Variants in NPHP4 observed in about 807,000 individuals in gnomAD.
The protein encoded by NPHP4 is nephrocystin 4, also known as nephrocystin-4.
NPHP4 carries 151 observed loss-of-function variants against 155.8 expected under a neutral mutation model. The ratio of observed to expected loss-of-function variants is 0.97; its 90% CI spans 0.85 to 1.11. The LOEUF is 1.11. Ranked by LOEUF, NPHP4 falls within the 50% of genes least tolerant of loss-of-function variation. The pLI is 0.00. For missense variants in NPHP4, 1,956 were observed against 1,925.7 expected (o/e 1.02, Z -0.29); for synonymous variants, 845 against 816.8 (o/e 1.03, Z -0.59).
chr1:5,965,437 C>T (rs571197035), intron 5 of NPHP4, among the ~76,000 whole-genome samples: 40 of 152,234 alleles, frequency 2.6e-4, no homozygotes, highest in African/African-American at 9.4e-4. Flanking sequence ...CTACTTTGTT[C>T]TCAGGATACT....
At chr1:5,891,723 A>G (rs956982773) in intron 16 of NPHP4, among the ~76,000 whole-genome samples, 1 of 152,256 alleles carries the variant, frequency 6.6e-6, no homozygotes, top group Non-Finnish European at 1.5e-5. Flanking sequence ...TCTATCAATA[A>G]TGGTGACAAC....
intron 16 of NPHP4, among the ~76,000 whole-genome samples, chr1:5,894,099 A>G (rs911683380): frequency 1.3e-5 from 2 of 152,246 alleles, no homozygotes; most frequent in African/African-American, 2.4e-5. Context: ...TTCTTGTTTT[A>G]TATTTTATTA....
intron 1 of NPHP4, among the ~76,000 whole-genome samples, chr1:5,986,903 C>T (rs552653756): frequency 2.0e-5 from 3 of 152,004 alleles, no homozygotes; most frequent in Non-Finnish European, 4.4e-5. Flanking sequence ...AAATACAGTC[C>T]TAGCGTTAAG....
At chr1:5,975,453 C>T (rs4908638) in intron 3 of NPHP4, among the ~76,000 whole-genome samples, 100,513 of 152,058 alleles carry the variant, frequency 0.66, 33,165 homozygotes, top group East Asian at 0.76. Flanking sequence ...GTGCCCTGGC[C>T]ACACCACACT....
intron 11 of NPHP4, among the ~76,000 whole-genome samples, chr1:5,915,054 T>G (rs886608871): frequency 6.6e-6 from 1 of 152,234 alleles, no homozygotes; most frequent in Non-Finnish European, 1.5e-5. Flanking sequence ...GCTGAGCAAC[T>G]GCCCAGCTGA....
intron 27 of NPHP4, 112 bp from the exon 28 acceptor site, chr1:5,864,629 T>G: frequency 1.0e-5 from 11 of 1,070,360 alleles, no homozygotes; most frequent in African/African-American, 1.6e-5. Flanking sequence ...CATGGGTGGT[T>G]CCGGGGCGGC....
chr1:5,983,374 G>A (rs1277284065), intron 2 of NPHP4, among the ~76,000 whole-genome samples: 1 of 152,184 alleles, frequency 6.6e-6, no homozygotes, highest in East Asian at 1.9e-4. Context: ...CTGGTAAGAG[G>A]AGCTCACTGT....
At chr1:5,865,386 G>GC in intron 26 of NPHP4, 113 bp from the exon 27 acceptor site, 1 of 994,838 alleles carries the variant, frequency 1.0e-6, no homozygotes, top group South Asian at 1.9e-5. Context: ...TGCAGGGAAA[G>GC]CCCCAGAGGA....
intron 16 of NPHP4, among the ~76,000 whole-genome samples, chr1:5,893,991 G>A (rs1393287062): frequency 6.6e-6 from 1 of 152,056 alleles, no homozygotes; most frequent in Non-Finnish European, 1.5e-5. Context: ...CGTAGAGCGA[G>A]GATTATTATA....
chr1:5,894,869 T>A (rs984430932), intron 16 of NPHP4, among the ~76,000 whole-genome samples: 1 of 152,222 alleles, frequency 6.6e-6, no homozygotes, highest in Non-Finnish European at 1.5e-5. Flanking sequence ...GGCAGCCTTG[T>A]CTTGGACCGT....
At chr1:5,904,063 C>G (rs778527184) in intron 16 of NPHP4, among the ~76,000 whole-genome samples, 3 of 152,186 alleles carry the variant, frequency 2.0e-5, no homozygotes, top group Non-Finnish European at 4.4e-5. Flanking sequence ...AAAACAGAAT[C>G]CAGACTGTGG....
intron 23 of NPHP4, chr1:5,868,316 A>G (rs1027085989): frequency 1.5e-5 from 5 of 324,870 alleles, no homozygotes; most frequent in African/African-American, 1.1e-4. Context: ...TTCGCGGTCA[A>G]GCACGTCAGC....
At position 5,945,664 on chromosome 1, in the gene NPHP4, T is replaced by A. The variant is rs781293145; in HGVS notation, c.1119+1440A>T. The stretch of plus-strand genomic sequence containing the variant: ...GCACCTCATGCTCCTTCACAGGCTG[T>A]TCCTGAGAGAGCGGCCCAGTCGCGA... On this transcript the variant is annotated intron_variant, in intron 9 of 29. Transcript: ENST00000378156. Among the ~76,000 whole-genome samples, 32 of 152,222 alleles carry A rather than the reference T, an allele frequency of 2.1e-4. 1 individual carries two copies. The highest frequency in any genetic ancestry group is 2.8e-4 in the Non-Finnish European group (19 of 68,044).
In NPHP4 at chr1:5,875,129, G is replaced by A; in HGVS notation, c.2818-29C>T. 2.6e-6 allele frequency: 4 copies of A among 1,534,692 alleles called. No homozygotes were observed. The South Asian group carries it at 4.6e-5, about 18-fold the overall frequency. On this transcript the variant is annotated intron_variant, in intron 20 of 29. Coordinates refer to ENST00000378156, the MANE Select transcript of NPHP4 (RefSeq NM_015102.5). ...CAGACAAGAGGACATGGGTGGACAG[G>A]GTCCCAGGCACACTCTCCTCCACAA...
chr1:5,876,888 G>T lies in NPHP4; in HGVS notation c.2817+205C>A, dbSNP rs116687803. The T allele has an allele frequency of 3.2e-3, 1,340 of 412,924 alleles. 4 individuals are homozygous for T. Among genetic ancestry groups the T allele is most frequent in the Non-Finnish European group, 4.8e-3 (1,109 of 229,454 alleles). The allele number at this position is 412,924 out of a possible 1,614,324, so 25.6% of individuals were successfully genotyped here. ...CAGAATCTCCAGGGGTGACGCCCAA[G>T]AACTGGCTTTTATTAAAAGCTCTCC... On this transcript the variant is annotated intron_variant, in intron 20 of 29. Coordinates refer to ENST00000378156, the MANE Select transcript of NPHP4 (RefSeq NM_015102.5).
At chr1:5,870,872 G>A (rs1248402003) in intron 23 of NPHP4, among the ~76,000 whole-genome samples, 1 of 152,196 alleles carries the variant, frequency 6.6e-6, no homozygotes, top group African/African-American at 2.4e-5. Flanking sequence ...CTGCAGCCAC[G>A]CCAGAAGGAC....
rs1646079641 is a variant in NPHP4, at chr1:5,927,721, C to T, written c.1369G>A (p.Ala457Thr). 1 of 1,613,492 alleles carries T rather than the reference C, an allele frequency of 6.2e-7. No homozygotes were observed. The highest frequency in any genetic ancestry group is 1.1e-5 in the South Asian group (1 of 91,066). Residue 457 changes from alanine (A) to threonine (T), a missense_variant, in exon 11 of 30, where the codon GCA becomes ACA. Transcript: ENST00000378156. ...GGGCCACTGACAGGCTCCGTGGGTG[C>T]ATCCAGGTGTTCTTCTGAGCCCAGC... ...FSLGSEEHLD[A>T]PTEPVSGPKV...
chr1:5,867,606 T>A lies in NPHP4; in HGVS notation c.3472+134A>T. On this transcript the variant is annotated intron_variant, in intron 24 of 29. Coordinates refer to ENST00000378156, the MANE Select transcript of NPHP4 (RefSeq NM_015102.5). This position sits in a 1 kb window ranked among gnomAD's most constrained non-coding sequence, Gnocchi z 4.1. ...CAAACCATAAAGGCAGGAGAGAGAA[T>A]TCCCCAGGCCCCACGTGCTGCTCTG... The A allele has an allele frequency of 1.1e-6, 1 of 878,286 alleles. No homozygotes were observed. The highest frequency in any genetic ancestry group is 1.7e-6 in the Non-Finnish European group (1 of 580,822). 54.4% of individuals were successfully genotyped at this position (878,286 alleles called of 1,614,324 possible).
In NPHP4 at chr1:5,905,312, T is replaced by C. The variant is rs200104274; in HGVS notation, c.1935A>G (p.Leu645=). The part of the protein sequence containing the change: ...SDCLQSNEMV[L]QFLAFSRVAQ... ...TTTACCTGCTAAAGGCAAGAAACTG[T>C]AGCACCATCTCGTTGCTTTGTAGAC... is the stretch of plus-strand genomic sequence containing the variant. The change falls in exon 15 of 30, where the codon CTA becomes CTG. Residue 645 remains leucine (L), a synonymous_variant. Coordinates refer to ENST00000378156, the MANE Select transcript of NPHP4 (RefSeq NM_015102.5). This position sits in a 1 kb window ranked among gnomAD's most constrained non-coding sequence, Gnocchi z 4.0. The C allele has an allele frequency of 7.4e-5, 120 of 1,613,522 alleles. No homozygotes were observed. The African/African-American group carries it at 1.5e-3, about 20-fold the overall frequency.
Sources: allele counts gnomAD v4.1 joint callset (sites outside exome capture counted in the v4.1 genomes callset), GRCh38; gene constraint gnomAD v4.1.1; non-coding constraint Gnocchi (gnomAD v3.1); transcripts MANE v1.5; gene names NCBI Gene and HGNC (gene_info 2026-07-23, HGNC 2026-07-21).